Variants in SLC25A21 observed in about 807,000 individuals in gnomAD.
SLC25A21 encodes the protein solute carrier family 25 member 21.
SLC25A21 carries 47 observed loss-of-function variants against 43.8 expected under a neutral mutation model. That is an observed-to-expected ratio of 1.07 (90% CI 0.85 to 1.37). The LOEUF (loss-of-function observed/expected upper bound fraction) is 1.37. Ranked by LOEUF, SLC25A21 falls within the 40% of genes most tolerant of loss-of-function variation. The pLI is 0.00. For missense variants in SLC25A21, 352 were observed against 350.2 expected, an observed-to-expected ratio of 1.00 and a Z score of -0.04; for synonymous variants, 131 against 121.3, an observed-to-expected ratio of 1.08 and a Z score of -0.52.
intron 1 of SLC25A21, among the ~76,000 whole-genome samples, chr14:37,010,167 CCAAATGGCA>C (rs1396498159): frequency 2.0e-5 from 3 of 152,238 alleles, no homozygotes; most frequent in African/African-American, 7.2e-5. Context: ...AAACGTGTAA[CCAAATGGCA>C]CAGTACAGAA....
At position 36,885,802 on chromosome 14, in the gene SLC25A21, G is replaced by T. The variant is rs868593344; in HGVS notation, c.71-10798C>A. 3.2e-4 allele frequency among the ~76,000 whole-genome samples: 48 copies of T among 152,212 alleles called. 1 individual carries two copies. The highest frequency in any genetic ancestry group is 2.7e-3 in the Admixed American group (41 of 15,286). On this transcript the variant is annotated intron_variant, in intron 1 of 9. Coordinates refer to ENST00000331299, the MANE Select transcript of SLC25A21 (RefSeq NM_030631.4). Reference sequence around the variant, plus strand: ...GCAAAGCAGTGCAGACCAACAATTGGAGCATTCAGGATTCCCTGAGATGCC... The same window carrying T: ...GCAAAGCAGTGCAGACCAACAATTGTAGCATTCAGGATTCCCTGAGATGCC...
intron 3 of SLC25A21, among the ~76,000 whole-genome samples, chr14:36,760,042 G>A (rs1024423966): frequency 1.2e-4 from 18 of 152,132 alleles, no homozygotes; most frequent in African/African-American, 4.3e-4. Flanking sequence ...AAATGAATCA[G>A]TGTACATCTT....
intron 2 of SLC25A21, among the ~76,000 whole-genome samples, chr14:36,858,697 C>A (rs911028046): frequency 6.6e-6 from 1 of 152,086 alleles, no homozygotes; most frequent in African/African-American, 2.4e-5. Flanking sequence ...CTGGAACACC[C>A]GCAAACAAGA....
chr14:37,120,958 C>A (rs1276274569), intron 1 of SLC25A21, among the ~76,000 whole-genome samples: 2 of 152,122 alleles, frequency 1.3e-5, no homozygotes, highest in East Asian at 3.9e-4. Flanking sequence ...ATGCTATAAA[C>A]GTGAGACCAC....
chr14:36,730,989 T>C (rs1018955259), intron 4 of SLC25A21, among the ~76,000 whole-genome samples: 4 of 151,178 alleles, frequency 2.6e-5, no homozygotes, highest in South Asian at 2.1e-4. Context: ...TTTTTTTTTT[T>C]CGAGATGGAG....
chr14:36,927,156 C>T (rs1892155035), intron 1 of SLC25A21, among the ~76,000 whole-genome samples: 2 of 152,132 alleles, frequency 1.3e-5, no homozygotes, highest in South Asian at 2.1e-4. Context: ...GGCAACAGGA[C>T]AAGACTTCGT....
intron 3 of SLC25A21, among the ~76,000 whole-genome samples, chr14:36,758,715 G>T (rs1025175428): frequency 4.6e-5 from 7 of 151,994 alleles, no homozygotes; most frequent in African/African-American, 1.7e-4. Context: ...GAAGAGAAAT[G>T]ATCTTAGATA....
intron 1 of SLC25A21, among the ~76,000 whole-genome samples, chr14:37,001,502 T>C (rs1389615905): frequency 6.6e-6 from 1 of 152,214 alleles, no homozygotes; most frequent in African/African-American, 2.4e-5. Flanking sequence ...GTTATTGCTA[T>C]GGCTAACATA....
At chr14:37,072,810 G>A (rs1175296086) in intron 1 of SLC25A21, among the ~76,000 whole-genome samples, 3 of 152,132 alleles carry the variant, frequency 2.0e-5, no homozygotes, top group Non-Finnish European at 2.9e-5. Context: ...AAGGAATCAG[G>A]AAACAATCTA....
intron 1 of SLC25A21, among the ~76,000 whole-genome samples, chr14:36,982,184 CA>C (rs1960043019): frequency 6.6e-6 from 1 of 152,136 alleles, no homozygotes; most frequent in African/African-American, 2.4e-5. Flanking sequence ...AGAATAGAAT[CA>C]AACTATAGAA....
chr14:37,045,436 TG>T (rs1461243972), intron 1 of SLC25A21, among the ~76,000 whole-genome samples: 2 of 152,116 alleles, frequency 1.3e-5, no homozygotes, highest in East Asian at 1.9e-4. Context: ...GACAAACTGC[TG>T]GGGAAAAAAA....
intron 1 of SLC25A21, among the ~76,000 whole-genome samples, chr14:36,971,532 C>A (rs117578423): frequency 6.6e-6 from 1 of 152,020 alleles, no homozygotes; most frequent in Non-Finnish European, 1.5e-5. Flanking sequence ...AGCCAATCTG[C>A]GGGCCCTAGA....
intron 1 of SLC25A21, among the ~76,000 whole-genome samples, chr14:36,985,092 C>T (rs369541706): frequency 6.0e-4 from 90 of 150,774 alleles, no homozygotes; most frequent in African/African-American, 1.6e-3. Context: ...AACCAAACAC[C>T]GCATATTCTC....
chr14:36,785,459 A>G (rs1415637408), intron 3 of SLC25A21, among the ~76,000 whole-genome samples: 1 of 152,134 alleles, frequency 6.6e-6, no homozygotes, highest in Admixed American at 6.5e-5. Context: ...AGATGTATAT[A>G]TTTTCTCTCA....
At chr14:37,108,452 T>C (rs1594797079) in intron 1 of SLC25A21, among the ~76,000 whole-genome samples, 1 of 152,196 alleles carries the variant, frequency 6.6e-6, no homozygotes, top group East Asian at 1.9e-4. Flanking sequence ...TTTCATTATA[T>C]AACATCCACT....
At chr14:37,165,598 C>A (rs1014906866) in intron 1 of SLC25A21, among the ~76,000 whole-genome samples, 3 of 152,026 alleles carry the variant, frequency 2.0e-5, no homozygotes, top group Admixed American at 6.6e-5. Flanking sequence ...GGAGTTGCCA[C>A]TATGGAAGAA....
chr14:37,171,117 A>C (rs1382646784), intron 1 of SLC25A21, among the ~76,000 whole-genome samples: 6 of 1,054 alleles, frequency 5.7e-3, no homozygotes, highest in African/African-American at 0.015. Context: ...AAAAGGGGGG[A>C]GGGGAGGGGA....
At position 36,679,049 on chromosome 14, in the gene SLC25A21, C is replaced by T; in HGVS notation, c.*1609G>A. On this transcript the variant is annotated 3_prime_UTR_variant, in exon 10 of 10. Coordinates refer to ENST00000331299, the MANE Select transcript of SLC25A21 (RefSeq NM_030631.4). ...AAATGCACTCTTCAGAAATCCTTTT[C>T]TATCTGATCCACATGGAGAGGTTAA... The T allele has an allele frequency of 1.0e-6, 1 of 985,440 alleles. No individual in the cohort carries two copies. Among genetic ancestry groups the T allele is most frequent in the Non-Finnish European group, 1.2e-6 (1 of 829,974 alleles). 61.0% of individuals were successfully genotyped at this position (985,440 alleles called of 1,614,324 possible). A position where few individuals can be genotyped will look rare whatever the true frequency, so the allele number is the denominator to read the frequency against.
At chr14:37,061,248 G>A (rs867622044) in intron 1 of SLC25A21, among the ~76,000 whole-genome samples, 2 of 152,106 alleles carry the variant, frequency 1.3e-5, no homozygotes. Flanking sequence ...CACAAATAAA[G>A]CACATTTTGC....
Sources: gnomAD v4.1 joint callset for allele counts (sites outside exome capture counted in the v4.1 genomes callset) on GRCh38, gnomAD v4.1.1 for gene constraint, MANE v1.5 for transcripts, NCBI Gene and HGNC (gene_info 2026-07-23, HGNC 2026-07-21) for gene names.